The following HTRA1 variants were observed in gnomAD, a reference collection of about 807,000 sequenced individuals.
HTRA1 encodes serine protease HTRA1.
HTRA1 carries 26 observed loss-of-function variants against 49.7 expected under a neutral mutation model. The observed-to-expected ratio is 0.52, with a 90% CI of 0.38 to 0.73. HTRA1 has a LOEUF of 0.73. Among genes scored for constraint, HTRA1 ranks in the 30% least tolerant of loss-of-function variants. HTRA1 has a pLI of 0.00. For missense variants in HTRA1, 561 were observed against 667.2 expected, an observed-to-expected ratio of 0.84 and a Z score of 1.75; for synonymous variants, 291 against 286.9, an observed-to-expected ratio of 1.01 and a Z score of -0.14.
intron 3 of HTRA1, among the ~76,000 whole-genome samples, chr10:122,497,780 A>G (rs1486907599): frequency 1.3e-5 from 2 of 152,126 alleles, no homozygotes; most frequent in African/African-American, 4.8e-5. Context: ...TTACTTATTC[A>G]TTGATTTTGT....
intron 8 of HTRA1, among the ~76,000 whole-genome samples, chr10:122,512,611 A>G (rs1429301186): frequency 6.6e-6 from 1 of 152,198 alleles, no homozygotes; most frequent in African/African-American, 2.4e-5. Flanking sequence ...GGACCAGCAA[A>G]TGTGCCTTGG....
intron 3 of HTRA1, among the ~76,000 whole-genome samples, chr10:122,496,297 G>C (rs1456877733): frequency 1.6e-5 from 2 of 122,838 alleles, no homozygotes; most frequent in Admixed American, 2.1e-4. Flanking sequence ...AATAGCAGAG[G>C]GAGGCCTTAT....
intron 1 of HTRA1, among the ~76,000 whole-genome samples, chr10:122,468,519 G>A (rs992604165): frequency 3.3e-5 from 5 of 151,296 alleles, no homozygotes; most frequent in African/African-American, 1.2e-4. Context: ...GATGAGGTGG[G>A]TGGGTGGGTT....
chr10:122,502,447 T>C (rs1008101080), intron 3 of HTRA1, among the ~76,000 whole-genome samples: 2 of 152,194 alleles, frequency 1.3e-5, no homozygotes, highest in Non-Finnish European at 2.9e-5. Flanking sequence ...TTTACATAGA[T>C]ATGGTGGGGA....
chr10:122,473,525 A>G (rs1157364291), intron 1 of HTRA1, among the ~76,000 whole-genome samples: 2 of 152,236 alleles, frequency 1.3e-5, no homozygotes, highest in Non-Finnish European at 2.9e-5. Context: ...ATTTTCTAGT[A>G]GTCACATTAA....
chr10:122,509,642 T>C (rs1253344189), intron 6 of HTRA1, among the ~76,000 whole-genome samples: 4 of 152,120 alleles, frequency 2.6e-5, no homozygotes, highest in African/African-American at 9.7e-5. Flanking sequence ...AAGTTTATGA[T>C]CTGATTGATG....
chr10:122,508,880 C>G, intron 6 of HTRA1, 110 bp downstream of exon 6: 1 of 733,202 alleles, frequency 1.4e-6, no homozygotes, highest in Non-Finnish European at 2.5e-6. Flanking sequence ...CTAGCCAAGC[C>G]GTCTCTGATC....
chr10:122,499,652 C>T (rs754934706), intron 3 of HTRA1, among the ~76,000 whole-genome samples: 4 of 152,216 alleles, frequency 2.6e-5, no homozygotes, highest in Non-Finnish European at 2.9e-5. Context: ...TGACATCCCC[C>T]GTAAACAACC....
At chr10:122,474,729 A>G (rs1188170330) in intron 1 of HTRA1, among the ~76,000 whole-genome samples, 1 of 152,012 alleles carries the variant, frequency 6.6e-6, no homozygotes, top group Non-Finnish European at 1.5e-5. Flanking sequence ...AATAATAGAC[A>G]CATCATGTTG....
intron 1 of HTRA1, among the ~76,000 whole-genome samples, chr10:122,476,402 C>T (rs544926216): frequency 1.3e-5 from 2 of 152,232 alleles, no homozygotes; most frequent in Non-Finnish European, 2.9e-5. Flanking sequence ...AGTTAACCAC[C>T]TGCCTCCATC....
intron 4 of HTRA1, 126 bp downstream of exon 4, chr10:122,507,011 A>G (rs2133449662): frequency 1.2e-6 from 1 of 869,024 alleles, no homozygotes; most frequent in East Asian, 2.6e-5. Flanking sequence ...AGACCAAGCC[A>G]TGTGGATTCT....
chr10:122,466,529 T>G (rs1251033990), intron 1 of HTRA1, among the ~76,000 whole-genome samples: 1 of 152,192 alleles, frequency 6.6e-6, no homozygotes, highest in East Asian at 1.9e-4. Context: ...CATTGCTAGC[T>G]GAGTGCTGAC....
intron 1 of HTRA1, among the ~76,000 whole-genome samples, chr10:122,468,910 A>T (rs1391039469): frequency 6.6e-6 from 1 of 152,214 alleles, no homozygotes; most frequent in Non-Finnish European, 1.5e-5. Context: ...AAAAAAAGGC[A>T]AATTTGGGAG....
intron 1 of HTRA1, among the ~76,000 whole-genome samples, chr10:122,478,582 C>T (rs1171881882): frequency 6.6e-6 from 1 of 151,946 alleles, no homozygotes; most frequent in Non-Finnish European, 1.5e-5. Context: ...TTAGTAGAGA[C>T]AGGGTTTCAC....
chr10:122,477,029 G>T (rs999323618), intron 1 of HTRA1, among the ~76,000 whole-genome samples: 5 of 146,426 alleles, frequency 3.4e-5, no homozygotes, highest in African/African-American at 1.0e-4. Flanking sequence ...GTGCACTGGC[G>T]CAATCTTGGC....
intron 1 of HTRA1, among the ~76,000 whole-genome samples, chr10:122,469,042 C>T (rs1033655296): frequency 6.6e-6 from 1 of 152,302 alleles, no homozygotes; most frequent in East Asian, 1.9e-4. Context: ...ATAATTATGT[C>T]TCCTTGTGCA....
In HTRA1 at chr10:122,461,924, T is replaced by A; in HGVS notation, c.272T>A (p.Val91Glu). The change falls in exon 1 of 9, where the codon GTG (valine) becomes GAG (glutamate). Residue 91 changes from valine to glutamate, a missense_variant. Val to Glu is a moderately radical substitution (Grantham distance 121). Coordinates refer to ENST00000368984, the MANE Select transcript of HTRA1 (RefSeq NM_002775.5). The part of the protein sequence containing the change: ...GPCGEGLQCV[V>E]PFGVPASATV... ...TGCGGCGAGGGGCTGCAGTGCGTGG[T>A]GCCCTTCGGGGTGCCAGCCTCGGCC... The A allele has an allele frequency of 6.8e-7, 1 of 1,475,362 alleles. No individual in the cohort carries two copies. 91.4% of individuals were successfully genotyped at this position (1,475,362 alleles called of 1,614,324 possible).
At position 122,462,098 on chromosome 10, in the gene HTRA1, T is replaced by TCCTGCAGCGCGGAG; in HGVS notation, c.452_465dup (p.Gly156SerfsTer64). On this transcript the variant is annotated frameshift_variant, in exon 1 of 9. Transcript: ENST00000368984. LOFTEE classifies it high-confidence loss of function. ...AGGCTGCACCGGCCGCCGGTCATCG[T>TCCTGCAGCGCGGAG]CCTGCAGCGCGGAGCCTGCGGCCAA... 1 of 1,533,954 alleles carries TCCTGCAGCGCGGAG rather than the reference T, an allele frequency of 6.5e-7. No individual in the cohort carries two copies. Among genetic ancestry groups the TCCTGCAGCGCGGAG allele is most frequent in the South Asian group, 1.2e-5 (1 of 83,948 alleles).
Position 122,510,118 on chromosome 10 carries a change from G to A in HTRA1, c.1143G>A (p.Lys381=), listed in dbSNP as rs769668637. 7 of 1,613,956 alleles carry A rather than the reference G, an allele frequency of 4.3e-6. No individual in the cohort carries two copies. In the African/African-American group the frequency reaches 5.3e-5, roughly 12 times the overall value. The part of the protein sequence containing the change: ...QAKGKAITKK[K]YIGIRMMSLT... ...CAGGAAAAGCCATCACCAAGAAGAA[G>A]TATATTGGTATCCGAATGATGTCAC... Residue 381 remains lysine, a synonymous_variant, in exon 7 of 9, where the codon AAG becomes AAA. Transcript: ENST00000368984.
Sources: allele counts gnomAD v4.1 joint callset (sites outside exome capture counted in the v4.1 genomes callset), GRCh38; gene constraint gnomAD v4.1.1; transcripts MANE v1.5; gene names NCBI Gene and HGNC (gene_info 2026-07-23, HGNC 2026-07-21).